Variants in RTF1 observed in about 807,000 individuals in gnomAD.
RTF1 encodes the protein RTF1 homolog, Paf1/RNA polymerase II complex component.
RTF1 carries 10 observed loss-of-function variants against 95.7 expected under a neutral mutation model. That is an observed-to-expected ratio of 0.10 (90% CI 0.06 to 0.18). RTF1 has a LOEUF of 0.18. Among genes scored for constraint, RTF1 ranks in the 10% least tolerant of loss-of-function variants. The pLI is 1.00. For missense variants in RTF1, 458 were observed against 875.6 expected, an observed-to-expected ratio of 0.52 and a Z score of 6.02; for synonymous variants, 305 against 311.8, an observed-to-expected ratio of 0.98 and a Z score of 0.23.
chr15:41,454,740 A>T (rs751921337), intron 3 of RTF1, among the ~76,000 whole-genome samples: 40 of 152,222 alleles, frequency 2.6e-4, no homozygotes, highest in Non-Finnish European at 5.6e-4. Context: ...ATTCTTGCCA[A>T]AAATTCATAA....
At chr15:41,420,933 C>T (rs1451529489) in intron 1 of RTF1, among the ~76,000 whole-genome samples, 2 of 152,228 alleles carry the variant, frequency 1.3e-5, no homozygotes, top group Non-Finnish European at 2.9e-5. Context: ...ATTAAGATCA[C>T]TGCCTATATG....
At chr15:41,458,276 C>T (rs941513243) in intron 4 of RTF1, among the ~76,000 whole-genome samples, 1 of 152,158 alleles carries the variant, frequency 6.6e-6, no homozygotes, top group African/African-American at 2.4e-5. Context: ...GTGCCTAGAA[C>T]AGTACCTGGC....
intron 1 of RTF1, among the ~76,000 whole-genome samples, chr15:41,432,950 A>G (rs2050682856): frequency 1.3e-5 from 2 of 151,010 alleles, no homozygotes; most frequent in African/African-American, 2.4e-5. Flanking sequence ...CAAAAAAAAG[A>G]AAAACAAACA....
intron 1 of RTF1, among the ~76,000 whole-genome samples, chr15:41,430,469 G>A (rs1053549504): frequency 6.6e-6 from 1 of 152,006 alleles, no homozygotes; most frequent in African/African-American, 2.4e-5. Flanking sequence ...GCTGGGCATC[G>A]TGGCTCACAC....
intron 3 of RTF1, among the ~76,000 whole-genome samples, chr15:41,456,349 C>T (rs914978512): frequency 1.3e-5 from 2 of 150,862 alleles, no homozygotes; most frequent in African/African-American, 4.9e-5. Context: ...ATTAGCCAGG[C>T]GTGGTGGTGG....
intron 15 of RTF1, 123 bp downstream of exon 15, chr15:41,478,748 A>G (rs1595441859): frequency 2.3e-6 from 2 of 862,048 alleles, no homozygotes; most frequent in African/African-American, 1.7e-5. Flanking sequence ...GCTTGTCTGA[A>G]GCTCTTGGGT....
chr15:41,453,364 G>T (rs1468670292), intron 3 of RTF1, among the ~76,000 whole-genome samples: 1 of 152,122 alleles, frequency 6.6e-6, no homozygotes, highest in Non-Finnish European at 1.5e-5. Flanking sequence ...TCTGACTGAG[G>T]AGGGAATCTC....
chr15:41,428,937 A>G (rs1403965790), intron 1 of RTF1, among the ~76,000 whole-genome samples: 2 of 151,996 alleles, frequency 1.3e-5, no homozygotes, highest in Admixed American at 1.3e-4. Context: ...GGGTTTCGTC[A>G]TGTTGGCCAG....
intron 1 of RTF1, among the ~76,000 whole-genome samples, chr15:41,437,818 C>G (rs2050712637): frequency 6.6e-6 from 1 of 152,190 alleles, no homozygotes. Flanking sequence ...TGCTTGTTGT[C>G]ACAGACTGGA....
intron 7 of RTF1, 115 bp from the exon 8 acceptor site, chr15:41,471,054 TCTC>T (rs1022969373): frequency 2.3e-5 from 21 of 913,828 alleles, no homozygotes; most frequent in East Asian, 1.0e-4. Context: ...TTCATTTACT[TCTC>T]CTCCTAGGCC....
At chr15:41,479,260 T>A in intron 16 of RTF1, 62 bp downstream of exon 16, 1 of 1,161,672 alleles carries the variant, frequency 8.6e-7, no homozygotes, top group Non-Finnish European at 1.3e-6. Flanking sequence ...ACCGAACAAG[T>A]ACCTTGTCTA....
intron 6 of RTF1, among the ~76,000 whole-genome samples, chr15:41,467,440 C>T (rs1273349085): frequency 2.6e-5 from 4 of 152,056 alleles, no homozygotes; most frequent in Non-Finnish European, 5.9e-5. Flanking sequence ...GGGGGCCGGT[C>T]GTGGTGCCTC....
chr15:41,431,910 C>T (rs962072512), intron 1 of RTF1, among the ~76,000 whole-genome samples: 3 of 151,716 alleles, frequency 2.0e-5, no homozygotes, highest in Non-Finnish European at 2.9e-5. Context: ...AAGTGATTCT[C>T]CTGCCTCAGC....
chr15:41,431,371 C>G (rs556735094), intron 1 of RTF1, among the ~76,000 whole-genome samples: 5 of 149,530 alleles, frequency 3.3e-5, no homozygotes, highest in Non-Finnish European at 5.9e-5. Flanking sequence ...CCTGCCACCA[C>G]GCCCAGCTAC....
intron 8 of RTF1, among the ~76,000 whole-genome samples, chr15:41,473,164 C>T (rs1047273050): frequency 7.9e-5 from 12 of 151,878 alleles, no homozygotes; most frequent in Non-Finnish European, 1.5e-4. Flanking sequence ...GACGGAGTCT[C>T]GCCCTGTCAT....
intron 1 of RTF1, among the ~76,000 whole-genome samples, chr15:41,418,965 GA>G (rs2050586899): frequency 6.6e-6 from 1 of 152,058 alleles, no homozygotes; most frequent in Admixed American, 6.6e-5. Context: ...CTTTTAAGAA[GA>G]AAAGGATTGA....
chr15:41,439,675 G>A (rs1248432850), intron 2 of RTF1, among the ~76,000 whole-genome samples: 1 of 152,166 alleles, frequency 6.6e-6, no homozygotes, highest in African/African-American at 2.4e-5. Context: ...TTTTGAGATG[G>A]AGTCTCACTC....
rs191775894 is a variant in RTF1 at position 41,468,559 on chromosome 15, C to T, written c.890-1698C>T. 1.3e-3 allele frequency among the ~76,000 whole-genome samples: 198 copies of T among 152,182 alleles called. 1 individual carries two copies. The highest frequency in any genetic ancestry group is 2.2e-3 in the Non-Finnish European group (150 of 67,984). On this transcript the variant is annotated intron_variant, in intron 6 of 17. Transcript: ENST00000389629. ...GTCTTGATCTCCTGACCTTGTGATC[C>T]GCCCGCCTCGGCCTCCCAAAGTGCT...
intron 2 of RTF1, among the ~76,000 whole-genome samples, chr15:41,441,413 G>A (rs1194481131): frequency 6.6e-6 from 1 of 152,086 alleles, no homozygotes; most frequent in East Asian, 1.9e-4. Flanking sequence ...GTGGTCTCTG[G>A]TATTCCTTAA....
Sources: gnomAD v4.1 joint callset for allele counts (sites outside exome capture counted in the v4.1 genomes callset) on GRCh38, gnomAD v4.1.1 for gene constraint, MANE v1.5 for transcripts, NCBI Gene and HGNC (gene_info 2026-07-23, HGNC 2026-07-21) for gene names.